The following CEMIP2 variants were observed in gnomAD, a reference collection of about 807,000 sequenced individuals.
CEMIP2 encodes cell migration inducing hyaluronidase 2.
Under a neutral mutation model 146.9 loss-of-function variants are expected in CEMIP2, and 79 were observed. That is an observed-to-expected ratio of 0.54 (90% CI 0.45 to 0.65). The LOEUF (loss-of-function observed/expected upper bound fraction) is 0.65, where lower values mean the gene tolerates loss of function less well. Ranked by LOEUF, CEMIP2 falls within the 30% of genes least tolerant of loss-of-function variation. The pLI, the probability that CEMIP2 is intolerant of heterozygous loss-of-function variation, is 0.00. For missense variants in CEMIP2, 1,596 were observed against 1,696.2 expected, an observed-to-expected ratio of 0.94 and a Z score of 1.04; for synonymous variants, 601 against 606.3, an observed-to-expected ratio of 0.99 and a Z score of 0.13.
Position 71,712,086 on chromosome 9 carries a change from T to C in CEMIP2, c.2766A>G (p.Pro922=). Reference sequence around the variant, plus strand: ...AAGAACTACAGAACATACTTACATGTGGACCAAACTTCACGAGGGAGATAT... The same window carrying C: ...AAGAACTACAGAACATACTTACATGCGGACCAAACTTCACGAGGGAGATAT... ...RNNISLVKFG[P]HVSLNVFFGK... The change falls in exon 16 of 24, where the codon CCA becomes CCG. Residue 922 remains proline, a synonymous_variant. Transcript: ENST00000377044. The C allele has an allele frequency of 6.2e-7, 1 of 1,613,968 alleles. No homozygotes were observed. The highest frequency in any genetic ancestry group is 2.2e-5 in the East Asian group (1 of 44,886).
At chr9:71,756,376 G>C (rs762436971) in intron 1 of CEMIP2, among the ~76,000 whole-genome samples, 36 of 150,754 alleles carry the variant, frequency 2.4e-4, no homozygotes, top group Admixed American at 4.7e-4. Flanking sequence ...TATTGAGGAG[G>C]AAACAAATAG....
chr9:71,717,923 T>C (rs377697714), intron 13 of CEMIP2, 25 bp downstream of exon 13: 19 of 1,591,204 alleles, frequency 1.2e-5, no homozygotes, highest in Middle Eastern at 2.0e-4. Flanking sequence ...TGTCATCATA[T>C]AATAACTTGG....
intron 22 of CEMIP2, among the ~76,000 whole-genome samples, chr9:71,689,590 A>G (rs4745114): frequency 0.4 from 61,568 of 152,112 alleles, 14,561 homozygotes; most frequent in Non-Finnish European, 0.53. Flanking sequence ...CAAGTGACCC[A>G]GGTGATGACT....
chr9:71,741,185 ATTTTTTTTTTTTTTTTTTT>A (rs79872255), intron 4 of CEMIP2, among the ~76,000 whole-genome samples: 10,593 of 72,900 alleles, frequency 0.15, 655 homozygotes, highest in South Asian at 0.37. Flanking sequence ...ACTGAGTTAG[ATTTTTTTTTTTTTTTTTTT>A]TTTTTTTTTG....
chr9:71,709,883 TC>T (rs1296611638), intron 16 of CEMIP2, among the ~76,000 whole-genome samples: 1 of 152,198 alleles, frequency 6.6e-6, no homozygotes, highest in Non-Finnish European at 1.5e-5. Flanking sequence ...TCTGTGCATT[TC>T]CCTACATGTA....
intron 4 of CEMIP2, among the ~76,000 whole-genome samples, chr9:71,743,219 T>G (rs1823974766): frequency 6.6e-6 from 1 of 152,172 alleles, no homozygotes. Context: ...TAAACTTTAG[T>G]AGATCCCACA....
At chr9:71,737,155 CAA>C (rs34623620) in intron 5 of CEMIP2, among the ~76,000 whole-genome samples, 81 of 107,038 alleles carry the variant, frequency 7.6e-4, no homozygotes, top group East Asian at 1.8e-3. Context: ...AGATCTTTCT[CAA>C]AAAAAAAAAA....
chr9:71,738,216 C>T (rs1267278585), intron 5 of CEMIP2, among the ~76,000 whole-genome samples: 4 of 152,100 alleles, frequency 2.6e-5, no homozygotes, highest in Non-Finnish European at 5.9e-5. Context: ...AAGAAACATT[C>T]TTTTTTTCAT....
chr9:71,694,741 C>T (rs561710929), intron 20 of CEMIP2, 134 bp from the exon 21 acceptor site: 3 of 611,370 alleles, frequency 4.9e-6, no homozygotes, highest in East Asian at 2.9e-5. Context: ...TATTTCATGA[C>T]CTAGAATTCC....
chr9:71,759,685 T>G (rs1824567022), intron 1 of CEMIP2, among the ~76,000 whole-genome samples: 1 of 152,182 alleles, frequency 6.6e-6, no homozygotes, highest in Non-Finnish European at 1.5e-5. Context: ...TTTTTGGAAT[T>G]TAAATGATCC....
At chr9:71,704,507 C>G in intron 18 of CEMIP2, 88 bp downstream of exon 18, 1 of 1,474,938 alleles carries the variant, frequency 6.8e-7, no homozygotes, top group South Asian at 1.2e-5. Flanking sequence ...GCTTTCTTTG[C>G]TTGCTGCAAA....
chr9:71,690,803 A>C (rs1822205714), intron 21 of CEMIP2, among the ~76,000 whole-genome samples: 1 of 152,248 alleles, frequency 6.6e-6, no homozygotes, highest in African/African-American at 2.4e-5. Flanking sequence ...TAAGCTACAA[A>C]GTACTACTAC....
chr9:71,762,527 C>T (rs1032942260), intron 1 of CEMIP2, among the ~76,000 whole-genome samples: 4 of 61,332 alleles, frequency 6.5e-5, no homozygotes, highest in African/African-American at 2.0e-4. Flanking sequence ...AAAAAAAAAA[C>T]TGGCTAGCAG....
At chr9:71,689,947 T>C in intron 22 of CEMIP2, 145 bp downstream of exon 22, 1 of 978,590 alleles carries the variant, frequency 1.0e-6, no homozygotes, top group Non-Finnish European at 1.5e-6. Flanking sequence ...TGGGCGTCAA[T>C]CTGAGGTAGG....
intron 1 of CEMIP2, among the ~76,000 whole-genome samples, chr9:71,763,533 A>G (rs1486296973): frequency 1.3e-5 from 2 of 152,256 alleles, no homozygotes; most frequent in East Asian, 3.8e-4. Flanking sequence ...ATTAAAAAAT[A>G]TGAGGATTAA....
intron 15 of CEMIP2, 22 bp downstream of exon 15, chr9:71,714,912 C>T (rs1823003430): frequency 3.1e-6 from 5 of 1,607,666 alleles, no homozygotes; most frequent in Admixed American, 1.7e-5. Context: ...ATTTAACACT[C>T]CACAGCTAAA....
intron 2 of CEMIP2, among the ~76,000 whole-genome samples, chr9:71,749,367 A>G (rs1451047239): frequency 6.6e-6 from 1 of 152,040 alleles, no homozygotes; most frequent in Non-Finnish European, 1.5e-5. Flanking sequence ...TCACTTACTT[A>G]AACAAAAAAA....
chr9:71,694,753 T>A, intron 20 of CEMIP2, 146 bp from the exon 21 acceptor site: 1 of 599,584 alleles, frequency 1.7e-6, no homozygotes, highest in South Asian at 2.0e-5. Flanking sequence ...TAGAATTCCA[T>A]CTTGATATTC....
chr9:71,707,990 T>C (rs1822799909), intron 17 of CEMIP2, among the ~76,000 whole-genome samples: 1 of 152,080 alleles, frequency 6.6e-6, no homozygotes, highest in Non-Finnish European at 1.5e-5. Context: ...ATCAAGACCA[T>C]CCTGGCTAAC....
Sources: gnomAD v4.1 joint callset for allele counts (sites outside exome capture counted in the v4.1 genomes callset) on GRCh38, gnomAD v4.1.1 for gene constraint, MANE v1.5 for transcripts, NCBI Gene and HGNC (gene_info 2026-07-23, HGNC 2026-07-21) for gene names.